The following MEGF11 variants were observed in gnomAD, a reference collection of about 807,000 sequenced individuals.
MEGF11 encodes the protein multiple epidermal growth factor-like domains protein 11.
Under a neutral mutation model 146.6 loss-of-function variants are expected in MEGF11, and 126 were observed. That is an observed-to-expected ratio of 0.86 (90% confidence interval 0.74 to 1.00). The LOEUF is 1.00. Among genes scored for constraint, MEGF11 ranks in the 50% least tolerant of loss-of-function variants. MEGF11 has a pLI of 0.00. For missense variants in MEGF11, 1,509 were observed against 1,521.2 expected, an observed-to-expected ratio of 0.99 and a Z score of 0.13; for synonymous variants, 532 against 583.4, an observed-to-expected ratio of 0.91 and a Z score of 1.27.
intron 5 of MEGF11, among the ~76,000 whole-genome samples, chr15:65,988,679 C>T (rs989329224): frequency 7.9e-5 from 12 of 152,194 alleles, no homozygotes; most frequent in African/African-American, 9.7e-5. Flanking sequence ...ATAAATAATG[C>T]GGCCGACCAT....
chr15:65,907,986 C>T (rs1003216478), intron 23 of MEGF11, among the ~76,000 whole-genome samples: 4 of 152,214 alleles, frequency 2.6e-5, no homozygotes, highest in Admixed American at 6.5e-5. Context: ...AGAGGATACT[C>T]CCTTGTAGAA....
At chr15:66,049,176 T>C (rs1372019328) in intron 5 of MEGF11, among the ~76,000 whole-genome samples, 3 of 152,232 alleles carry the variant, frequency 2.0e-5, no homozygotes, top group Non-Finnish European at 4.4e-5. Context: ...TGGGCTATTA[T>C]TTCCTGGACT....
chr15:66,156,585 C>A (rs1269903639), intron 1 of MEGF11, among the ~76,000 whole-genome samples: 2 of 152,024 alleles, frequency 1.3e-5, no homozygotes, highest in Admixed American at 6.5e-5. Flanking sequence ...GAAGATGCTG[C>A]TCCCTGAGTC....
At chr15:66,163,766 C>T (rs1258284006) in intron 1 of MEGF11, among the ~76,000 whole-genome samples, 1 of 152,188 alleles carries the variant, frequency 6.6e-6, no homozygotes, top group East Asian at 1.9e-4. Flanking sequence ...GTGCAGTGCA[C>T]GGGGCATCAA....
At chr15:66,016,479 GTTTTTTTTT>G (rs58588643) in intron 5 of MEGF11, among the ~76,000 whole-genome samples, 4 of 127,698 alleles carry the variant, frequency 3.1e-5, no homozygotes, top group African/African-American at 1.2e-4. Flanking sequence ...CATCCATTCA[GTTTTTTTTT>G]TTTTTTTTTT....
intron 3 of MEGF11, 69 bp from the exon 4 acceptor site, chr15:66,119,255 G>T: frequency 8.9e-7 from 1 of 1,125,142 alleles, no homozygotes; most frequent in Non-Finnish European, 1.3e-6. Flanking sequence ...AATGATATTT[G>T]TGTTAAGCTA....
chr15:66,187,144 A>C (rs1183892412), intron 1 of MEGF11, among the ~76,000 whole-genome samples: 1 of 152,254 alleles, frequency 6.6e-6, no homozygotes, highest in African/African-American at 2.4e-5. Context: ...TCCAATTCCA[A>C]ATCTTAAAAC....
chr15:66,209,981 G>A (rs1456746051), intron 1 of MEGF11, among the ~76,000 whole-genome samples: 1 of 152,022 alleles, frequency 6.6e-6, no homozygotes, highest in Non-Finnish European at 1.5e-5. Context: ...CACCACACCT[G>A]GCTAATTTTT....
chr15:65,922,310 C>A (rs754784687), intron 15 of MEGF11, 28 bp downstream of exon 15: 1 of 1,602,666 alleles, frequency 6.2e-7, no homozygotes, highest in East Asian at 2.3e-5. Flanking sequence ...CACCTCCCCA[C>A]CCAGTACCTT....
chr15:66,010,572 T>A (rs1292383000), intron 5 of MEGF11, among the ~76,000 whole-genome samples: 1 of 152,200 alleles, frequency 6.6e-6, no homozygotes, highest in Non-Finnish European at 1.5e-5. Context: ...ATGCGGCCCA[T>A]GGACTGCAGG....
intron 1 of MEGF11, among the ~76,000 whole-genome samples, chr15:66,153,809 G>A (rs2089653283): frequency 6.6e-6 from 1 of 152,090 alleles, no homozygotes; most frequent in Non-Finnish European, 1.5e-5. Flanking sequence ...TACTCCCCGG[G>A]CACTCTGCTG....
At chr15:65,968,074 A>T (rs1055984743) in intron 8 of MEGF11, among the ~76,000 whole-genome samples, 1 of 152,182 alleles carries the variant, frequency 6.6e-6, no homozygotes, top group South Asian at 2.1e-4. Flanking sequence ...TATTTCAGCC[A>T]ATCTGAGGCC....
intron 5 of MEGF11, among the ~76,000 whole-genome samples, chr15:65,991,552 A>T (rs1204840494): frequency 3.9e-5 from 6 of 152,218 alleles, no homozygotes; most frequent in Admixed American, 6.5e-5. Context: ...ACGAGATGCC[A>T]GTAGTACCTC....
At chr15:65,939,083 C>T (rs10519311) in intron 10 of MEGF11, among the ~76,000 whole-genome samples, 24,080 of 152,102 alleles carry the variant, frequency 0.16, 2,037 homozygotes, top group Non-Finnish European at 0.19. Context: ...TTGTGTGAGT[C>T]TGTCTTCTAG....
chr15:66,047,087 G>C (rs559000779), intron 5 of MEGF11, among the ~76,000 whole-genome samples: 20 of 152,344 alleles, frequency 1.3e-4, no homozygotes, highest in African/African-American at 4.8e-4. Context: ...AGCCACATCA[G>C]GTGTTGTGCT....
intron 5 of MEGF11, among the ~76,000 whole-genome samples, chr15:66,054,725 AAC>A (rs1194574425): frequency 2.6e-5 from 4 of 152,172 alleles, no homozygotes; most frequent in East Asian, 3.8e-4. Flanking sequence ...CTTCATTTTA[AAC>A]ACACAGTCAT....
At chr15:65,964,640 C>T (rs942374995) in intron 9 of MEGF11, among the ~76,000 whole-genome samples, 2 of 152,182 alleles carry the variant, frequency 1.3e-5, no homozygotes, top group Non-Finnish European at 2.9e-5. Flanking sequence ...TGTGTGGAGT[C>T]TCAGACAGGC....
intron 15 of MEGF11, among the ~76,000 whole-genome samples, chr15:65,919,604 C>T (rs777532163): frequency 5.3e-5 from 8 of 152,196 alleles, no homozygotes; most frequent in Non-Finnish European, 1.0e-4. Flanking sequence ...ACCGACAGGG[C>T]TTGCTTAAGG....
chr15:66,061,914 T>G (rs1302503417), intron 5 of MEGF11, among the ~76,000 whole-genome samples: 1 of 152,194 alleles, frequency 6.6e-6, no homozygotes, highest in Non-Finnish European at 1.5e-5. Flanking sequence ...GTACTATAGG[T>G]GCACACCACC....
Sources: allele counts gnomAD v4.1 joint callset (sites outside exome capture counted in the v4.1 genomes callset), GRCh38; gene constraint gnomAD v4.1.1; transcripts MANE v1.5; gene names NCBI Gene and HGNC (gene_info 2026-07-23, HGNC 2026-07-21).